HEMK2: variants seen among roughly 807,000 people sequenced by gnomAD.
The protein encoded by HEMK2 is methyltransferase HEMK2.
At chr21:28,610,781 C>T in the HEMK2 span, among the ~76,000 whole-genome samples, 2 of 152,092 alleles carry the variant, frequency 1.3e-5, no homozygotes, top group South Asian at 2.1e-4. Flanking sequence ...TTTAAAGCAA[C>T]AGCAGTTAAA....
chr21:28,862,884 G>T, the HEMK2 span, among the ~76,000 whole-genome samples: 1 of 152,136 alleles, frequency 6.6e-6, no homozygotes, highest in Non-Finnish European at 1.5e-5. Flanking sequence ...ATTTGGGTCG[G>T]GGATTGGTGC....
the HEMK2 span, among the ~76,000 whole-genome samples, chr21:28,590,363 A>G: frequency 6.6e-6 from 1 of 152,240 alleles, no homozygotes; most frequent in Non-Finnish European, 1.5e-5. Flanking sequence ...AGAAACAGAA[A>G]GATGAACCAT....
chr21:28,673,491 C>G, the HEMK2 span, among the ~76,000 whole-genome samples: 1 of 141,458 alleles, frequency 7.1e-6, no homozygotes, highest in Non-Finnish European at 1.5e-5. Context: ...CACATATAAC[C>G]CACATATATG....
chr21:28,645,060 A>G, the HEMK2 span, among the ~76,000 whole-genome samples: 18 of 152,274 alleles, frequency 1.2e-4, no homozygotes, highest in East Asian at 2.5e-3. Context: ...CCTTCTCCTC[A>G]TCTCAAAGAC....
the HEMK2 span, among the ~76,000 whole-genome samples, chr21:28,672,750 C>G: frequency 2.0e-3 from 305 of 152,224 alleles, 1 homozygote; most frequent in African/African-American, 7.1e-3. Context: ...CTCTTTTTCT[C>G]TTCTTGACGC....
the HEMK2 span, among the ~76,000 whole-genome samples, chr21:28,687,582 C>A: frequency 4.9e-5 from 5 of 101,456 alleles, no homozygotes; most frequent in East Asian, 2.4e-3. Flanking sequence ...TGCTACCAGA[C>A]CAACTTGTTT....
the HEMK2 span, among the ~76,000 whole-genome samples, chr21:28,833,618 C>T: frequency 1.3e-5 from 2 of 152,150 alleles, no homozygotes; most frequent in Non-Finnish European, 2.9e-5. Flanking sequence ...AAATTTCTAA[C>T]TTTGTGAGGT....
At chr21:28,657,231 T>A in the HEMK2 span, among the ~76,000 whole-genome samples, 1 of 152,022 alleles carries the variant, frequency 6.6e-6, no homozygotes, top group African/African-American at 2.4e-5. Context: ...CAGATCTGCA[T>A]AAAGATACAG....
chr21:28,786,944 A>T, the HEMK2 span, among the ~76,000 whole-genome samples: 5 of 152,158 alleles, frequency 3.3e-5, no homozygotes, highest in Admixed American at 1.3e-4. Flanking sequence ...ATTCATATGG[A>T]ACCAAAAAAG....
the HEMK2 span, among the ~76,000 whole-genome samples, chr21:28,830,964 G>T: frequency 7.2e-5 from 11 of 151,866 alleles, no homozygotes; most frequent in Non-Finnish European, 1.2e-4. Context: ...CTATCCATCT[G>T]TAGAAAATTT....
chr21:28,674,973 G>A, the HEMK2 span: 2 of 152,208 alleles, frequency 1.3e-5, no homozygotes, highest in African/African-American at 2.4e-5. Context: ...TGAATTGGGA[G>A]TTAGGTTTCA....
the HEMK2 span, among the ~76,000 whole-genome samples, chr21:28,595,075 G>C: frequency 1.3e-5 from 2 of 152,102 alleles, no homozygotes; most frequent in Non-Finnish European, 1.5e-5. Flanking sequence ...ATATTTATAA[G>C]ATACATGAGA....
the HEMK2 span, among the ~76,000 whole-genome samples, chr21:28,612,146 C>T: frequency 6.6e-6 from 1 of 151,192 alleles, no homozygotes; most frequent in Admixed American, 6.6e-5. Context: ...GACCAACATC[C>T]CTGATGAACA....
chr21:28,618,028 T>A, the HEMK2 span, among the ~76,000 whole-genome samples: 6 of 152,144 alleles, frequency 3.9e-5, no homozygotes, highest in African/African-American at 1.4e-4. Flanking sequence ...GCACAAGTGA[T>A]CCTCTTACCT....
At chr21:28,784,093 A>G in the HEMK2 span, among the ~76,000 whole-genome samples, 1 of 152,082 alleles carries the variant, frequency 6.6e-6, no homozygotes, top group Non-Finnish European at 1.5e-5. Flanking sequence ...GCCATCCCCC[A>G]GCTCCACAGC....
the HEMK2 span, among the ~76,000 whole-genome samples, chr21:28,693,217 C>T: frequency 6.6e-6 from 1 of 151,930 alleles, no homozygotes; most frequent in South Asian, 2.1e-4. Context: ...ATAATTCATT[C>T]AAAAAACATT....
At chr21:28,595,299 C>T in the HEMK2 span, among the ~76,000 whole-genome samples, 5 of 152,014 alleles carry the variant, frequency 3.3e-5, no homozygotes, top group South Asian at 2.1e-4. Context: ...ACCCATTAAC[C>T]GCCCCCACAT....
the HEMK2 span, among the ~76,000 whole-genome samples, chr21:28,633,687 C>G: frequency 6.6e-6 from 1 of 152,130 alleles, no homozygotes; most frequent in African/African-American, 2.4e-5. Context: ...TATATGACTT[C>G]GAGATGACTT....
chr21:28,845,793 T>C, the HEMK2 span, among the ~76,000 whole-genome samples: 1 of 152,154 alleles, frequency 6.6e-6, no homozygotes, highest in African/African-American at 2.4e-5. Flanking sequence ...CTCTTTTTTT[T>C]CTTTAAAGTT....
Sources: gnomAD v4.1 joint callset for allele counts (sites outside exome capture counted in the v4.1 genomes callset) on GRCh38, gnomAD v4.1.1 for gene constraint, MANE v1.5 for transcripts, NCBI Gene and HGNC (gene_info 2026-07-23, HGNC 2026-07-21) for gene names.